Variants in C1orf185 observed in about 807,000 individuals in gnomAD.
C1orf185 encodes chromosome 1 open reading frame 185, also known as uncharacterized protein C1orf185.
In C1orf185, 13 loss-of-function variants were observed where a neutral mutation model predicts 16.1. That is an observed-to-expected ratio of 0.81 (90% CI 0.53 to 1.28). The LOEUF is 1.28. Ranked by LOEUF, C1orf185 falls within the 50% of genes most tolerant of loss-of-function variation. C1orf185 has a pLI of 0.00. For missense variants in C1orf185, 220 were observed against 225.2 expected (o/e 0.98, Z 0.15); for synonymous variants, 80 against 76.9 (o/e 1.04, Z -0.21).
intron 2 of C1orf185, among the ~76,000 whole-genome samples, 165 bp from the exon 3 acceptor site, chr1:51,118,499 CAT>C (rs1646173817): frequency 2.0e-5 from 3 of 152,004 alleles, no homozygotes; most frequent in Non-Finnish European, 2.9e-5. Context: ...TGAAATCTAA[CAT>C]ATGAGTAGGG....
chr1:51,126,945 G>A (rs1359733469), intron 3 of C1orf185, among the ~76,000 whole-genome samples: 2 of 150,784 alleles, frequency 1.3e-5, no homozygotes, highest in African/African-American at 4.9e-5. Flanking sequence ...AGGAGTGCTG[G>A]TCATGTTTGT....
In C1orf185 at chr1:51,129,243, TGATCCTCC is replaced by T. The variant is rs1320638617; in HGVS notation, c.258+10443_258+10450del. Among the ~76,000 whole-genome samples the T allele has an allele frequency of 3.9e-5, 6 of 152,096 alleles. No homozygotes were observed. The East Asian group carries it at 1.2e-3, about 29-fold the overall frequency. ...GGGGTCTCAAACTCCTGGCCTCAAG[TGATCCTCC>T]CTCCTTGGCCTCTCAGAGCACTGGG... On this transcript the variant is annotated intron_variant, in intron 3 of 4. Transcript: ENST00000371759.
intron 4 of C1orf185, 76 bp from the exon 5 acceptor site, chr1:51,147,391 C>A: frequency 7.7e-7 from 1 of 1,300,922 alleles, no homozygotes; most frequent in Non-Finnish European, 1.0e-6. Flanking sequence ...CATTATCCTG[C>A]CCATTCTGAC....
intron 1 of C1orf185, among the ~76,000 whole-genome samples, chr1:51,111,670 C>T (rs565688282): frequency 6.6e-6 from 1 of 152,246 alleles, no homozygotes; most frequent in South Asian, 2.1e-4. Context: ...CAGGCATGTA[C>T]CACCATGCCC....
intron 3 of C1orf185, among the ~76,000 whole-genome samples, chr1:51,126,371 C>T (rs1463000446): frequency 2.0e-5 from 3 of 152,066 alleles, no homozygotes; most frequent in Admixed American, 6.6e-5. Flanking sequence ...TCAAAGGATC[C>T]TCCTACCTCA....
chr1:51,152,254 C>T (rs1476631028), downstream of C1orf185, among the ~76,000 whole-genome samples: 2 of 152,198 alleles, frequency 1.3e-5, no homozygotes, highest in Non-Finnish European at 2.9e-5. Context: ...AAGGACAAAC[C>T]AGAATCCACT....
intron 1 of C1orf185, among the ~76,000 whole-genome samples, chr1:51,111,194 A>C (rs981208520): frequency 4.7e-4 from 71 of 152,040 alleles, no homozygotes; most frequent in Middle Eastern, 6.8e-3. Context: ...GGAAAAAAAA[A>C]CCCAGAGGTC....
intron 3 of C1orf185, among the ~76,000 whole-genome samples, chr1:51,141,929 C>A (rs1156271507): frequency 2.0e-5 from 3 of 152,058 alleles, no homozygotes; most frequent in Admixed American, 2.0e-4. Context: ...CAACCATGCC[C>A]AGCTAATTTT....
chr1:51,124,359 G>A (rs1646222252), intron 3 of C1orf185, among the ~76,000 whole-genome samples: 1 of 152,228 alleles, frequency 6.6e-6, no homozygotes, highest in Non-Finnish European at 1.5e-5. Context: ...TGGGATTATA[G>A]GCGTGAGCCA....
intron 3 of C1orf185, among the ~76,000 whole-genome samples, chr1:51,128,301 C>A (rs549027664): frequency 1.3e-5 from 2 of 152,198 alleles, no homozygotes; most frequent in Admixed American, 1.3e-4. Flanking sequence ...GTGATTGTAA[C>A]TTATTTCACT....
intron 3 of C1orf185, among the ~76,000 whole-genome samples, chr1:51,129,389 A>G (rs1182529633): frequency 3.3e-5 from 5 of 152,044 alleles, no homozygotes; most frequent in Admixed American, 3.3e-4. Flanking sequence ...CTACAATTTT[A>G]TCATTTCCAG....
intron 3 of C1orf185, among the ~76,000 whole-genome samples, chr1:51,142,886 C>G (rs1646374477): frequency 6.6e-6 from 1 of 152,134 alleles, no homozygotes; most frequent in African/African-American, 2.4e-5. Flanking sequence ...GCCTCAGCCT[C>G]CCAAGTAGCT....
At chr1:51,148,263 A>G (rs1490906190), downstream of C1orf185, among the ~76,000 whole-genome samples, 1 of 152,064 alleles carries the variant, frequency 6.6e-6, no homozygotes, top group Non-Finnish European at 1.5e-5. Context: ...AGCTGGGATT[A>G]CAGGCGCCTA....
intron 3 of C1orf185, among the ~76,000 whole-genome samples, chr1:51,133,796 A>T (rs535374590): frequency 6.6e-6 from 1 of 152,376 alleles, no homozygotes; most frequent in African/African-American, 2.4e-5. Context: ...AATCGATTAC[A>T]TAATCAGAAG....
downstream of C1orf185, among the ~76,000 whole-genome samples, chr1:51,151,493 C>CT (rs34686764): frequency 6.6e-6 from 1 of 151,578 alleles, no homozygotes; most frequent in African/African-American, 2.4e-5. Context: ...AAAAGTAAAA[C>CT]TTTTTTTTAA....
intron 3 of C1orf185, among the ~76,000 whole-genome samples, chr1:51,126,940 T>G (rs930434888): frequency 2.6e-5 from 4 of 152,158 alleles, no homozygotes; most frequent in Non-Finnish European, 5.9e-5. Flanking sequence ...TTTTGAGGAG[T>G]GCTGGTCATG....
intron 2 of C1orf185, among the ~76,000 whole-genome samples, chr1:51,116,202 T>A (rs776922053): frequency 6.6e-6 from 1 of 152,128 alleles, no homozygotes; most frequent in African/African-American, 2.4e-5. Context: ...CCACAGAGAC[T>A]ACTGCAAAAG....
intron 1 of C1orf185, among the ~76,000 whole-genome samples, chr1:51,109,836 C>CT (rs910134826): frequency 6.6e-6 from 1 of 151,524 alleles, no homozygotes; most frequent in Non-Finnish European, 1.5e-5. Flanking sequence ...ATACCTCCAA[C>CT]TTTTTTTTTC....
intron 3 of C1orf185, among the ~76,000 whole-genome samples, chr1:51,144,761 A>C (rs1646388078): frequency 6.6e-6 from 1 of 152,120 alleles, no homozygotes; most frequent in Non-Finnish European, 1.5e-5. Context: ...TATCCTAAAT[A>C]AGCTTTTTTG....
Sources: allele counts gnomAD v4.1 joint callset (sites outside exome capture counted in the v4.1 genomes callset), GRCh38; gene constraint gnomAD v4.1.1; transcripts MANE v1.5; gene names NCBI Gene and HGNC (gene_info 2026-07-23, HGNC 2026-07-21).